Variants in CUL3 observed in about 807,000 individuals in gnomAD.
The protein encoded by CUL3 is cullin 3.
In CUL3, 19 loss-of-function variants were observed where a neutral mutation model predicts 89.1. That is an observed-to-expected ratio of 0.21 (90% confidence interval 0.15 to 0.31). CUL3 has a LOEUF of 0.31. Among genes scored for constraint, CUL3 ranks in the 10% least tolerant of loss-of-function variants. CUL3 has a pLI of 1.00. For missense variants in CUL3, 469 were observed against 942.3 expected (o/e 0.50, Z 6.58); for synonymous variants, 351 against 308.4 (o/e 1.14, Z -1.45).
intron 13 of CUL3, among the ~76,000 whole-genome samples, chr2:224,490,832 T>C (rs1000000232): frequency 6.6e-6 from 1 of 152,192 alleles, no homozygotes; most frequent in Non-Finnish European, 1.5e-5. Context: ...TTAACTTGTA[T>C]ACTTTTTAAT....
chr2:224,570,340 T>C (rs1695155201), intron 1 of CUL3, among the ~76,000 whole-genome samples: 1 of 152,176 alleles, frequency 6.6e-6, no homozygotes, highest in South Asian at 2.1e-4. Context: ...TGGGACACAT[T>C]CAAACAGACT....
rs1402609186 is a variant in CUL3 at position 224,528,289 on chromosome 2, GC to G, written c.378+7238del. Among the ~76,000 whole-genome samples the G allele has an allele frequency of 2.0e-5, 3 of 152,002 alleles. No homozygotes were observed. The South Asian group carries it at 6.2e-4, about 32-fold the overall frequency. On this transcript the variant is annotated intron_variant, in intron 3 of 15. Coordinates refer to ENST00000264414, the MANE Select transcript of CUL3 (RefSeq NM_003590.5). ...GGGCCATCTGTCTTCTTTGACTAGTGCCCCCGCCTCCATTTTCAAAGTCCAT... is the reference window on the plus strand; with the variant it reads ...GGGCCATCTGTCTTCTTTGACTAGTGCCCCGCCTCCATTTTCAAAGTCCAT...
intron 3 of CUL3, among the ~76,000 whole-genome samples, chr2:224,523,428 A>C (rs1693344077): frequency 1.3e-5 from 2 of 152,104 alleles, no homozygotes; most frequent in African/African-American, 4.8e-5. Flanking sequence ...AAGTTTTGAC[A>C]AGAATGTGGA....
intron 1 of CUL3, among the ~76,000 whole-genome samples, chr2:224,571,440 C>A (rs147039310): frequency 6.6e-6 from 1 of 151,948 alleles, no homozygotes; most frequent in African/African-American, 2.4e-5. Context: ...AACTGTAAGA[C>A]AATGACAAAT....
intron 2 of CUL3, among the ~76,000 whole-genome samples, chr2:224,542,658 G>A (rs994509227): frequency 6.6e-6 from 1 of 152,128 alleles, no homozygotes; most frequent in African/African-American, 2.4e-5. Context: ...ATCCTTCCAC[G>A]TTGGCCTCCC....
chr2:224,472,589 A>G lies in CUL3; in HGVS notation c.*1656T>C, dbSNP rs1339709610. ...AAAGTGTCCTGAGAATAATGTTCAC[A>G]ATACTTTTCATTGGCATCTTAATTG... On this transcript the variant is annotated 3_prime_UTR_variant, in exon 16 of 16. Coordinates refer to ENST00000264414, the MANE Select transcript of CUL3 (RefSeq NM_003590.5). The G allele has an allele frequency of 5.3e-6, 1 of 187,830 alleles. No individual in the cohort carries two copies. Among genetic ancestry groups the G allele is most frequent in the East Asian group, 8.6e-5 (1 of 11,648 alleles). The allele number at this position is 187,830 out of a possible 1,614,324, so 11.6% of individuals were successfully genotyped here. A position where few individuals can be genotyped will look rare whatever the true frequency, so the allele number is the denominator to read the frequency against.
intron 13 of CUL3, among the ~76,000 whole-genome samples, chr2:224,482,565 G>GTCA (rs1254991293): frequency 6.6e-6 from 1 of 151,178 alleles, no homozygotes; most frequent in African/African-American, 2.4e-5. Flanking sequence ...CTGACCATAT[G>GTCA]TATGCTTCTA....
intron 15 of CUL3, 168 bp from the exon 16 acceptor site, chr2:224,474,544 T>C (rs1691247875): frequency 2.4e-5 from 14 of 580,378 alleles, no homozygotes; most frequent in African/African-American, 3.7e-5. Flanking sequence ...TGTAATATTA[T>C]GGTTACAACA....
rs140184981 is a variant in CUL3, at chr2:224,504,788, C to T, written c.1207-966G>A. The stretch of plus-strand genomic sequence containing the variant: ...ACCTGTGACGACATGTTGCTTTTCC[C>T]TTTGGTGTCACAAATTCCAAAATGA... On this transcript the variant is annotated intron_variant, in intron 8 of 15. Coordinates refer to ENST00000264414, the MANE Select transcript of CUL3 (RefSeq NM_003590.5). Among the ~76,000 whole-genome samples, 1,073 of 152,292 alleles carry T rather than the reference C, an allele frequency of 7.0e-3. 8 individuals carry two copies. The highest frequency in any genetic ancestry group is 0.025 in the African/African-American group (1,022 of 41,570).
At chr2:224,484,360 A>G (rs1027165237) in intron 13 of CUL3, among the ~76,000 whole-genome samples, 1 of 152,112 alleles carries the variant, frequency 6.6e-6, no homozygotes, top group African/African-American at 2.4e-5. Flanking sequence ...CATGACCACT[A>G]TGGGAAAAAA....
At chr2:224,563,532 CA>C (rs1216365424) in intron 1 of CUL3, among the ~76,000 whole-genome samples, 9 of 152,180 alleles carry the variant, frequency 5.9e-5, no homozygotes, top group Non-Finnish European at 2.9e-5. Context: ...TAAACTACAA[CA>C]GTCCTCCTAT....
At chr2:224,560,269 G>GT (rs571614875) in intron 1 of CUL3, among the ~76,000 whole-genome samples, 26 of 148,528 alleles carry the variant, frequency 1.8e-4, no homozygotes, top group African/African-American at 3.0e-4. Context: ...TTTGTTTTTT[G>GT]TTTTTTTTTA....
chr2:224,531,064 CTT>C (rs1170461808), intron 3 of CUL3, among the ~76,000 whole-genome samples: 1 of 148,866 alleles, frequency 6.7e-6, no homozygotes, highest in African/African-American at 2.5e-5. Context: ...GGTATCAACA[CTT>C]TCTTTTTGAA....
At chr2:224,501,876 A>T (rs972049676) in intron 10 of CUL3, among the ~76,000 whole-genome samples, 16 of 152,216 alleles carry the variant, frequency 1.1e-4, no homozygotes, top group Non-Finnish European at 2.4e-4. Flanking sequence ...AAAAAAATTT[A>T]AAAACTTACT....
At chr2:224,579,012 T>C (rs936039427) in intron 1 of CUL3, among the ~76,000 whole-genome samples, 3 of 152,194 alleles carry the variant, frequency 2.0e-5, no homozygotes, top group Non-Finnish European at 4.4e-5. Flanking sequence ...TATGTATTAC[T>C]TAAAAAGCCA....
intron 3 of CUL3, among the ~76,000 whole-genome samples, chr2:224,527,450 G>C (rs937588074): frequency 6.6e-6 from 1 of 152,256 alleles, no homozygotes; most frequent in Non-Finnish European, 1.5e-5. Flanking sequence ...TTAGCAAATA[G>C]CGTATAGTAT....
At chr2:224,564,866 C>T (rs951309153) in intron 1 of CUL3, among the ~76,000 whole-genome samples, 4 of 152,178 alleles carry the variant, frequency 2.6e-5, no homozygotes, top group Non-Finnish European at 5.9e-5. Flanking sequence ...AAACCTTCTT[C>T]CTGTAATCTC....
intron 3 of CUL3, among the ~76,000 whole-genome samples, chr2:224,520,199 T>C (rs1352890020): frequency 6.6e-6 from 1 of 152,242 alleles, no homozygotes; most frequent in Non-Finnish European, 1.5e-5. Context: ...GTGAGTTTCA[T>C]CACCACAGAG....
intron 14 of CUL3, chr2:224,479,188 C>T (rs1346224839): frequency 6.6e-6 from 1 of 152,116 alleles, no homozygotes; most frequent in Non-Finnish European, 1.5e-5. Context: ...GCACATGGGG[C>T]ATTGCTGACT....
Sources: allele counts gnomAD v4.1 joint callset (sites outside exome capture counted in the v4.1 genomes callset), GRCh38; gene constraint gnomAD v4.1.1; transcripts MANE v1.5; gene names NCBI Gene and HGNC (gene_info 2026-07-23, HGNC 2026-07-21).